Variants in DPF3 observed in about 807,000 individuals in gnomAD.
DPF3 encodes zinc finger protein DPF3.
Under a neutral mutation model 56.8 loss-of-function variants are expected in DPF3, and 18 were observed. The ratio of observed to expected loss-of-function variants is 0.32; its 90% CI spans 0.22 to 0.47. The LOEUF is 0.47. DPF3 is among the 20% of genes least tolerant of loss of function. The pLI is 1.00. For missense variants in DPF3, 403 were observed against 488.8 expected (o/e 0.82, Z 1.65); for synonymous variants, 188 against 180.2 (o/e 1.04, Z -0.35).
At chr14:72,823,595 A>AAAT (rs1464500009) in intron 1 of DPF3, among the ~76,000 whole-genome samples, 1 of 152,084 alleles carries the variant, frequency 6.6e-6, no homozygotes, top group Non-Finnish European at 1.5e-5. Context: ...GGAATCTTCC[A>AAAT]TTTCCAAGAC....
chr14:72,624,336 T>C, intron 9 of DPF3, among the ~76,000 whole-genome samples: 1 of 141,372 alleles, frequency 7.1e-6, no homozygotes, highest in Admixed American at 7.0e-5. Context: ...TATGTCTCTT[T>C]TTTTTTTTTT....
rs773450437 is a variant in DPF3, at chr14:72,884,940, CTATATATATATATATATATA to C, written c.32+9097_32+9116del. 3.4e-3 allele frequency among the ~76,000 whole-genome samples: 100 copies of C among 29,622 alleles called. 4 individuals carry two copies. Among genetic ancestry groups the C allele is most frequent in the Admixed American group, 7.3e-3 (15 of 2,044 alleles). The allele number at this position is 29,622 out of a possible 152,430, so 19.4% of individuals were successfully genotyped here. ...TGAAACCCCGTCTCTACTAAAAATA[CTATATATATATATATATATA>C]TATATATATATTAGCCGGGCGTAAG... is the stretch of plus-strand genomic sequence containing the variant. On this transcript the variant is annotated intron_variant, in intron 1 of 10. Coordinates refer to ENST00000556509, the MANE Select transcript of DPF3 (RefSeq NM_001280542.3).
chr14:72,870,180 T>C (rs1171320889), intron 1 of DPF3, among the ~76,000 whole-genome samples: 2 of 152,138 alleles, frequency 1.3e-5, no homozygotes, highest in Non-Finnish European at 2.9e-5. Context: ...GGAACTCACA[T>C]ACACACCAAC....
At position 72,616,119 on chromosome 14, in the gene DPF3, G is replaced by A. The variant is rs1599302797; in HGVS notation, c.*3178C>T. On this transcript the variant is annotated 3_prime_UTR_variant, in exon 11 of 11. Coordinates refer to ENST00000556509, the MANE Select transcript of DPF3 (RefSeq NM_001280542.3). ...CCAGGATCTTTACCAATGTCACCTT[G>A]AATACCTGCAAAGACCATGCTGGAT... Among the ~76,000 whole-genome samples the A allele has an allele frequency of 3.3e-5, 5 of 152,288 alleles. No individual in the cohort carries two copies. The highest frequency in any genetic ancestry group is 1.5e-5 in the Non-Finnish European group (1 of 68,012).
chr14:72,861,745 A>AAGAAAGAAAG (rs1885426263), intron 1 of DPF3, among the ~76,000 whole-genome samples: 3 of 81,310 alleles, frequency 3.7e-5, no homozygotes, highest in African/African-American at 5.4e-5. Context: ...AAGAGAAAGA[A>AAGAAAGAAAG]AGAAAGAAAG....
chr14:72,815,123 C>G (rs553855938), intron 1 of DPF3, among the ~76,000 whole-genome samples: 2 of 152,040 alleles, frequency 1.3e-5, no homozygotes, highest in South Asian at 4.2e-4. Flanking sequence ...TAAAGAACTC[C>G]TAAAACTCAA....
chr14:72,856,759 A>C (rs74466440), intron 1 of DPF3, among the ~76,000 whole-genome samples: 3 of 152,216 alleles, frequency 2.0e-5, no homozygotes, highest in Non-Finnish European at 4.4e-5. Context: ...CGTGAAGCAC[A>C]GGAGGACAGG....
rs1245502922 is a variant in DPF3 at position 72,614,775 on chromosome 14, C to CAAAAAAAAAAA, written c.*4521_*4522insTTTTTTTTTTT. Reference sequence around the variant, plus strand: ...ATCTGTTGCCCAGGATCACAAGCCTCAGAAAAAAAAAAAAGAGTTACAATC... The same window carrying CAAAAAAAAAAA: ...ATCTGTTGCCCAGGATCACAAGCCTCAAAAAAAAAAAAGAAAAAAAAAAAAGAGTTACAATC... On this transcript the variant is annotated 3_prime_UTR_variant, in exon 11 of 11. Coordinates refer to ENST00000556509, the MANE Select transcript of DPF3 (RefSeq NM_001280542.3). Among the ~76,000 whole-genome samples, 2 of 25,754 alleles carry CAAAAAAAAAAA rather than the reference C, an allele frequency of 7.8e-5. No individual in the cohort carries two copies. The highest frequency in any genetic ancestry group is 6.8e-4 in the African/African-American group (2 of 2,944). The allele number at this position is 25,754 out of a possible 152,430, so 16.9% of individuals were successfully genotyped here. A position where few individuals can be genotyped will look rare whatever the true frequency, so the allele number is the denominator to read the frequency against.
intron 1 of DPF3, among the ~76,000 whole-genome samples, chr14:72,786,815 T>C (rs1376245743): frequency 6.6e-6 from 1 of 152,246 alleles, no homozygotes; most frequent in African/African-American, 2.4e-5. Context: ...TAATAATTAT[T>C]GTTAACTACA....
chr14:72,689,957 C>T (rs1002953367), intron 7 of DPF3, among the ~76,000 whole-genome samples: 1 of 152,168 alleles, frequency 6.6e-6, no homozygotes, highest in East Asian at 1.9e-4. Flanking sequence ...GAACCTTCTT[C>T]GTGTGGGGAG....
chr14:72,671,770 C>A (rs1366712309), intron 8 of DPF3, among the ~76,000 whole-genome samples: 2 of 152,188 alleles, frequency 1.3e-5, no homozygotes, highest in African/African-American at 4.8e-5. Flanking sequence ...TGACAGTCAG[C>A]TGTACAAAGG....
At chr14:72,658,675 G>A (rs1019245676) in intron 8 of DPF3, among the ~76,000 whole-genome samples, 3 of 152,108 alleles carry the variant, frequency 2.0e-5, no homozygotes, top group Non-Finnish European at 4.4e-5. Flanking sequence ...GCTGAATAAT[G>A]ACCTAGCTCC....
At chr14:72,880,460 C>A (rs1405128668) in intron 1 of DPF3, among the ~76,000 whole-genome samples, 1 of 152,228 alleles carries the variant, frequency 6.6e-6, no homozygotes. Flanking sequence ...CTGAAACCAG[C>A]CCCTCATAAG....
At chr14:72,779,586 C>A (rs74923676) in intron 1 of DPF3, among the ~76,000 whole-genome samples, 1 of 152,180 alleles carries the variant, frequency 6.6e-6, no homozygotes, top group Non-Finnish European at 1.5e-5. Flanking sequence ...AATAGCTACA[C>A]AACCCTCAGC....
At chr14:72,825,277 T>A (rs1883745724) in intron 1 of DPF3, among the ~76,000 whole-genome samples, 1 of 152,200 alleles carries the variant, frequency 6.6e-6, no homozygotes, top group Admixed American at 6.5e-5. Flanking sequence ...TCTGACCCCA[T>A]CCCCCAGCAC....
At chr14:72,777,994 G>C (rs1599432643) in intron 1 of DPF3, among the ~76,000 whole-genome samples, 1 of 152,138 alleles carries the variant, frequency 6.6e-6, no homozygotes, top group East Asian at 1.9e-4. Flanking sequence ...CCTCATGATG[G>C]GATTAGGGCC....
intron 1 of DPF3, among the ~76,000 whole-genome samples, chr14:72,843,903 T>C (rs143185834): frequency 6.6e-6 from 1 of 152,354 alleles, no homozygotes; most frequent in Non-Finnish European, 1.5e-5. Context: ...AGCTTATATA[T>C]ATTAACTCAT....
intron 3 of DPF3, among the ~76,000 whole-genome samples, chr14:72,738,680 A>G (rs1890003577): frequency 6.6e-6 from 1 of 152,218 alleles, no homozygotes; most frequent in Non-Finnish European, 1.5e-5. Context: ...TCAGTCAGAC[A>G]GGATGAATAT....
intron 1 of DPF3, among the ~76,000 whole-genome samples, chr14:72,847,577 T>C (rs760883762): frequency 1.3e-4 from 19 of 151,792 alleles, no homozygotes; most frequent in African/African-American, 1.2e-4. Context: ...AGTGGCTCAA[T>C]CTGGGCTCAC....
Sources: gnomAD v4.1 joint callset for allele counts (sites outside exome capture counted in the v4.1 genomes callset) on GRCh38, gnomAD v4.1.1 for gene constraint, MANE v1.5 for transcripts, NCBI Gene and HGNC (gene_info 2026-07-23, HGNC 2026-07-21) for gene names.